Variants in TMEM114 observed in about 807,000 individuals in gnomAD.
TMEM114 encodes transmembrane protein 114.
A neutral mutation model predicts 6.2 loss-of-function variants in TMEM114; 6 were observed. That is an observed-to-expected ratio of 0.97 (90% CI 0.53 to 1.91). The LOEUF (loss-of-function observed/expected upper bound fraction) is 1.91, where lower values mean the gene tolerates loss of function less well. Among genes scored for constraint, TMEM114 ranks in the 40% most tolerant of loss-of-function variants. TMEM114 has a pLI of 0.01. For missense variants in TMEM114, 218 were observed against 158.3 expected, an observed-to-expected ratio of 1.38 and a Z score of -2.02; for synonymous variants, 104 against 73.0, an observed-to-expected ratio of 1.42 and a Z score of -2.16.
Position 8,569,997 on chromosome 16 carries a change from T to C in TMEM114, c.448A>G (p.Thr150Ala). The change falls in exon 4 of 4, where the codon ACC becomes GCC. Residue 150 changes from threonine (T) to alanine (A), a missense_variant. Thr to Ala is a moderately conservative substitution (Grantham distance 58). Coordinates refer to ENST00000620492, the MANE Select transcript of TMEM114 (RefSeq NM_001146336.2). ...GILFLFGAMV[T>A]LAGISVYIAY... ...ATGTAGACGCTGATCCCAGCGAGGG[T>C]CACCATGGCTGCAGGGAGGGCAAAG... The C allele has an allele frequency of 6.5e-7, 1 of 1,548,722 alleles. No individual in the cohort carries two copies. The highest frequency in any genetic ancestry group is 2.4e-5 in the East Asian group (1 of 40,824).
intron 2 of TMEM114, among the ~76,000 whole-genome samples, chr16:8,576,768 A>T (rs1013433180): frequency 7.1e-6 from 1 of 140,600 alleles, no homozygotes; most frequent in Non-Finnish European, 1.5e-5. Context: ...GGAAGGAAGG[A>T]AATTGAGCAT....
chr16:8,538,612 A>T (rs56683023), intron 2 of TMEM114, among the ~76,000 whole-genome samples: 5,033 of 151,974 alleles, frequency 0.033, 282 homozygotes, highest in African/African-American at 0.11. Flanking sequence ...GGTCCACGCC[A>T]TTCTCTTGCC....
intron 2 of TMEM114, among the ~76,000 whole-genome samples, chr16:8,582,253 C>G (rs1902178272): frequency 6.6e-6 from 1 of 151,568 alleles, no homozygotes; most frequent in African/African-American, 2.4e-5. Flanking sequence ...CCTGGCCTCT[C>G]TTATGGGCTC....
intron 2 of TMEM114, among the ~76,000 whole-genome samples, chr16:8,541,475 T>C (rs961863844): frequency 6.6e-6 from 1 of 152,160 alleles, no homozygotes; most frequent in Non-Finnish European, 1.5e-5. Flanking sequence ...TCAGAGACAA[T>C]TCGTCTGACC....
chr16:8,576,734 G>GGAAGGAAGGAAGGAAGGAAGGAAGGAAA (rs1901945627), intron 2 of TMEM114, among the ~76,000 whole-genome samples: 3 of 151,396 alleles, frequency 2.0e-5, no homozygotes, highest in African/African-American at 7.3e-5. Flanking sequence ...AAGGAAGGAA[G>GGAAGGAAGGAAGGAAGGAAGGAAGGAAA]GAAGGAAGGA....
chr16:8,564,110 T>TACAG (rs1901416258), intron 2 of TMEM114, among the ~76,000 whole-genome samples: 1 of 149,478 alleles, frequency 6.7e-6, no homozygotes, highest in South Asian at 2.1e-4. Flanking sequence ...AGTGAGGAAA[T>TACAG]AAGTAAGTGA....
At chr16:8,561,773 G>C (rs533008350) in intron 2 of TMEM114, among the ~76,000 whole-genome samples, 28 of 151,124 alleles carry the variant, frequency 1.9e-4, no homozygotes, top group African/African-American at 5.9e-4. Context: ...GAGTGAGTGA[G>C]GTAATGAGTG....
At chr16:8,586,281 C>G (rs988620299) in intron 2 of TMEM114, among the ~76,000 whole-genome samples, 2 of 152,200 alleles carry the variant, frequency 1.3e-5, no homozygotes, top group South Asian at 4.1e-4. Flanking sequence ...TCCTTTATGA[C>G]TGGTCCTAGG....
At chr16:8,546,721 C>A (rs74649803) in intron 2 of TMEM114, among the ~76,000 whole-genome samples, 23,600 of 152,152 alleles carry the variant, frequency 0.16, 1,958 homozygotes, top group South Asian at 0.23. Context: ...CAGATGACCA[C>A]TTGTAATTAT....
At chr16:8,538,769 G>A (rs1050048188) in intron 2 of TMEM114, among the ~76,000 whole-genome samples, 5 of 152,110 alleles carry the variant, frequency 3.3e-5, no homozygotes, top group Admixed American at 3.3e-4. Context: ...GCCTCCCAAG[G>A]TGCTGGGATT....
rs567329442 is a variant in TMEM114, at chr16:8,582,693, C to G, written c.301+6520G>C. Reference sequence around the variant, plus strand: ...TCACTTGAGGTCAAGAGTTCGAGACCAGCCTGGCCAACATGGTGAATCCCC... The same window carrying G: ...TCACTTGAGGTCAAGAGTTCGAGACGAGCCTGGCCAACATGGTGAATCCCC... On this transcript the variant is annotated intron_variant, in intron 2 of 3. Transcript: ENST00000620492. Among the ~76,000 whole-genome samples, 10 of 152,298 alleles carry G rather than the reference C, an allele frequency of 6.6e-5. No individual in the cohort carries two copies. In the South Asian group the frequency reaches 1.2e-3, roughly 19 times the overall value.
chr16:8,568,898 A>G (rs991385785), downstream of TMEM114, among the ~76,000 whole-genome samples: 2 of 151,984 alleles, frequency 1.3e-5, no homozygotes, highest in Admixed American at 1.3e-4. Context: ...CAAGATGACA[A>G]CCCTTCTCTG....
intron 2 of TMEM114, among the ~76,000 whole-genome samples, chr16:8,541,533 T>G (rs571895110): frequency 1.3e-5 from 2 of 152,324 alleles, no homozygotes; most frequent in South Asian, 2.1e-4. Context: ...GGAGATCATT[T>G]TCTTGAACCA....
At chr16:8,565,732 C>A (rs116849067), downstream of TMEM114, among the ~76,000 whole-genome samples, 521 of 152,256 alleles carry the variant, frequency 3.4e-3, 9 homozygotes, top group East Asian at 0.025. Flanking sequence ...GGTCTTAGAG[C>A]AGTGGTTCTT....
intron 2 of TMEM114, among the ~76,000 whole-genome samples, chr16:8,555,221 G>A (rs1900970712): frequency 6.6e-6 from 1 of 152,182 alleles, no homozygotes; most frequent in African/African-American, 2.4e-5. Context: ...TACTGATGCA[G>A]GGTAAGTTCT....
At chr16:8,559,968 G>A (rs897146754) in intron 2 of TMEM114, among the ~76,000 whole-genome samples, 47 of 152,086 alleles carry the variant, frequency 3.1e-4, no homozygotes, top group Admixed American at 5.9e-4. Context: ...TTGCGTCTCT[G>A]TTCTGGAAAC....
At chr16:8,529,082 GACAGCAA>G in the TMEM114 span, among the ~76,000 whole-genome samples, 15 of 152,200 alleles carry the variant, frequency 9.9e-5, no homozygotes, top group Non-Finnish European at 1.8e-4. Context: ...GTTCGGAGAG[GACAGCAA>G]AATCCTCAGC....
At chr16:8,561,848 A>G (rs12934050) in intron 2 of TMEM114, among the ~76,000 whole-genome samples, 92 of 138,868 alleles carry the variant, frequency 6.6e-4, no homozygotes, top group African/African-American at 2.4e-3. Context: ...GAGTGAGTGA[A>G]TGAATGAGTG....
intron 2 of TMEM114, among the ~76,000 whole-genome samples, chr16:8,555,053 C>A (rs567075549): frequency 3.3e-4 from 51 of 152,304 alleles, no homozygotes; most frequent in African/African-American, 1.1e-3. Context: ...GGGTTTCCCT[C>A]CCCTCTCCTC....
Sources: allele counts gnomAD v4.1 joint callset (sites outside exome capture counted in the v4.1 genomes callset), GRCh38; gene constraint gnomAD v4.1.1; transcripts MANE v1.5; gene names NCBI Gene and HGNC (gene_info 2026-07-23, HGNC 2026-07-21).